Variants in CDH13 observed in about 807,000 individuals in gnomAD.
The protein encoded by CDH13 is cadherin-13.
Under a neutral mutation model 63.8 loss-of-function variants are expected in CDH13, and 24 were observed. The observed-to-expected ratio is 0.38, with a 90% CI of 0.27 to 0.53. CDH13 has a LOEUF of 0.53. CDH13 is among the 20% of genes least tolerant of loss of function. The pLI is 0.85. For synonymous variants in CDH13, 503 were observed against 355.3 expected (o/e 1.42, Z -4.67); for missense variants, 1,049 against 903.1 (o/e 1.16, Z -2.07).
At chr16:82,667,146 C>G (rs1209232758) in intron 1 of CDH13, among the ~76,000 whole-genome samples, 2 of 152,178 alleles carry the variant, frequency 1.3e-5, no homozygotes, top group African/African-American at 4.8e-5. Flanking sequence ...GCCTCACCTC[C>G]TAGCAGCTGG....
rs1904293303 is a variant in CDH13, at chr16:83,798,350, T to C, written c.*3320T>C. ...TTCTGAGGAAAGGAGTCTACAATTT[T>C]CCTAGGGGGTGTATGAACATGGTAC... is the stretch of plus-strand genomic sequence containing the variant. On this transcript the variant is annotated 3_prime_UTR_variant, in exon 14 of 14. Transcript: ENST00000567109. 1 of 152,206 alleles carries C rather than the reference T, an allele frequency of 6.6e-6. No individual in the cohort carries two copies. The highest frequency in any genetic ancestry group is 6.5e-5 in the Admixed American group (1 of 15,288). 9.4% of individuals were successfully genotyped at this position (152,206 alleles called of 1,614,324 possible).
At chr16:83,450,407 T>C (rs938728445) in intron 6 of CDH13, among the ~76,000 whole-genome samples, 1 of 152,152 alleles carries the variant, frequency 6.6e-6, no homozygotes, top group African/African-American at 2.4e-5. Flanking sequence ...ATGGGTGGTG[T>C]TGTGGGGGAC....
chr16:83,506,578 C>T (rs556460464), intron 7 of CDH13, among the ~76,000 whole-genome samples: 4 of 152,270 alleles, frequency 2.6e-5, no homozygotes, highest in East Asian at 1.9e-4. Context: ...TGGTAGCCAG[C>T]CCCCAGGAGG....
intron 6 of CDH13, among the ~76,000 whole-genome samples, chr16:83,351,475 T>G (rs1217973028): frequency 1.3e-5 from 2 of 152,150 alleles, no homozygotes; most frequent in East Asian, 1.9e-4. Flanking sequence ...GGTGCACAGT[T>G]TTACAGAATG....
chr16:83,542,868 C>T (rs2075319645), intron 7 of CDH13, among the ~76,000 whole-genome samples: 2 of 152,208 alleles, frequency 1.3e-5, no homozygotes, highest in African/African-American at 4.8e-5. Flanking sequence ...CTCATTTTAT[C>T]TTGTTTACCT....
At chr16:83,582,656 G>A (rs540168851) in intron 7 of CDH13, among the ~76,000 whole-genome samples, 22 of 152,258 alleles carry the variant, frequency 1.4e-4, no homozygotes, top group South Asian at 6.2e-4. Context: ...CTTCCCAGCC[G>A]TGGGACATTT....
chr16:83,080,265 C>G (rs145449634), intron 3 of CDH13, among the ~76,000 whole-genome samples: 1 of 152,124 alleles, frequency 6.6e-6, no homozygotes, highest in African/African-American at 2.4e-5. Context: ...TGATGACAGC[C>G]AGCTGTTTGG....
chr16:83,367,970 A>G (rs1044923757), intron 6 of CDH13, among the ~76,000 whole-genome samples: 16 of 152,178 alleles, frequency 1.1e-4, no homozygotes, highest in Admixed American at 9.2e-4. Flanking sequence ...AATGTTTTAT[A>G]GTTTTCAATA....
chr16:82,978,552 C>T (rs1909833878), intron 2 of CDH13, among the ~76,000 whole-genome samples: 1 of 152,236 alleles, frequency 6.6e-6, no homozygotes, highest in Non-Finnish European at 1.5e-5. Flanking sequence ...CTAAAAGAGG[C>T]CAAGGTACAG....
At chr16:82,633,407 T>C (rs1172645751) in intron 1 of CDH13, among the ~76,000 whole-genome samples, 1 of 152,142 alleles carries the variant, frequency 6.6e-6, no homozygotes, top group Non-Finnish European at 1.5e-5. Flanking sequence ...TGAGACGGAG[T>C]CTTGCTTTGT....
chr16:83,609,476 A>G (rs1908661772), intron 8 of CDH13, among the ~76,000 whole-genome samples: 1 of 152,254 alleles, frequency 6.6e-6, no homozygotes, highest in African/African-American at 2.4e-5. Flanking sequence ...TGGAGTGAGC[A>G]TGGAAGATCA....
chr16:83,320,585 G>A (rs2090201188), intron 5 of CDH13, among the ~76,000 whole-genome samples: 1 of 152,124 alleles, frequency 6.6e-6, no homozygotes, highest in African/African-American at 2.4e-5. Context: ...ACCTCAATTA[G>A]AGCAAACAAC....
At chr16:83,391,024 A>T (rs1285985546) in intron 6 of CDH13, among the ~76,000 whole-genome samples, 1 of 152,108 alleles carries the variant, frequency 6.6e-6, no homozygotes, top group Non-Finnish European at 1.5e-5. Flanking sequence ...TACAAAGTAC[A>T]ACGAACAGTA....
rs74028294 is a variant in CDH13 at position 82,783,332 on chromosome 16, C to G, written c.46-75030C>G. Among the ~76,000 whole-genome samples the G allele has an allele frequency of 4.2e-3, 642 of 152,318 alleles. 3 individuals carry two copies. The highest frequency in any genetic ancestry group is 0.015 in the African/African-American group (614 of 41,576). On this transcript the variant is annotated intron_variant, in intron 1 of 13. Transcript: ENST00000567109. Reference sequence around the variant, plus strand: ...GGGGTCCCTGGCCACAAAGCTCCAACCAGCCAACTGATCAGGCTTTCTGCG... The same window carrying G: ...GGGGTCCCTGGCCACAAAGCTCCAAGCAGCCAACTGATCAGGCTTTCTGCG...
At position 83,289,626 on chromosome 16, in the gene CDH13, C is replaced by G. The variant is rs575002501; in HGVS notation, c.637-55236C>G. Among the ~76,000 whole-genome samples the G allele has an allele frequency of 3.3e-5, 5 of 152,236 alleles. No individual in the cohort carries two copies. The South Asian group carries it at 1.0e-3, about 32-fold the overall frequency. On this transcript the variant is annotated intron_variant, in intron 5 of 13. Transcript: ENST00000567109. Reference sequence around the variant, plus strand: ...TTAATATTAATAATGCCAGGGACATCTAAGGGCACATTCACCCCAACAGTA... The same window carrying G: ...TTAATATTAATAATGCCAGGGACATGTAAGGGCACATTCACCCCAACAGTA...
At chr16:83,479,784 G>C (rs1335948955) in intron 6 of CDH13, among the ~76,000 whole-genome samples, 1 of 152,242 alleles carries the variant, frequency 6.6e-6, no homozygotes, top group African/African-American at 2.4e-5. Context: ...CATTAGGAGA[G>C]AGGGGTTTAT....
chr16:82,784,894 C>T (rs114088501), intron 1 of CDH13, among the ~76,000 whole-genome samples: 1,868 of 152,270 alleles, frequency 0.012, 38 homozygotes, highest in African/African-American at 0.042. Flanking sequence ...CAAAGGGCAG[C>T]GAGGCTGATG....
chr16:82,875,036 C>G (rs1285888042), intron 2 of CDH13, among the ~76,000 whole-genome samples: 2 of 152,156 alleles, frequency 1.3e-5, no homozygotes, highest in Non-Finnish European at 2.9e-5. Context: ...ATACACCTCC[C>G]AAATAAAGGC....
At chr16:83,121,201 C>T (rs762083954) in intron 3 of CDH13, among the ~76,000 whole-genome samples, 16 of 152,158 alleles carry the variant, frequency 1.1e-4, no homozygotes, top group Admixed American at 3.3e-4. Context: ...CTTTTCACTT[C>T]CTAGAGACTA....
Sources: allele counts gnomAD v4.1 joint callset (sites outside exome capture counted in the v4.1 genomes callset), GRCh38; gene constraint gnomAD v4.1.1; transcripts MANE v1.5; gene names NCBI Gene and HGNC (gene_info 2026-07-23, HGNC 2026-07-21).